Variants in BRD10 observed in about 807,000 individuals in gnomAD.
BRD10 encodes bromodomain containing 10, also known as uncharacterized bromodomain-containing protein 10.
the BRD10 span, chr9:5,898,877 T>C: frequency 6.6e-6 from 1 of 152,202 alleles, no homozygotes; most frequent in East Asian, 1.9e-4. Flanking sequence ...CACTTGTGTG[T>C]TTTTTAACAG....
the BRD10 span, chr9:5,919,808 G>A: frequency 1.9e-5 from 30 of 1,613,758 alleles, no homozygotes; most frequent in Non-Finnish European, 1.9e-5. Context: ...AGAAACCTTA[G>A]ATGCTGGAGT....
At chr9:5,961,217 C>T in the BRD10 span, among the ~76,000 whole-genome samples, 9 of 152,100 alleles carry the variant, frequency 5.9e-5, no homozygotes, top group East Asian at 3.9e-4. Context: ...TAGAAGTAAA[C>T]GCAACTATAA....
the BRD10 span, chr9:5,919,619 T>G: frequency 1.1e-4 from 151 of 1,383,546 alleles, no homozygotes; most frequent in South Asian, 4.4e-5. Flanking sequence ...TAATAAACAT[T>G]GAAAATTTTT....
chr9:5,918,273 C>G, the BRD10 span, among the ~76,000 whole-genome samples: 3 of 152,284 alleles, frequency 2.0e-5, no homozygotes, highest in Middle Eastern at 6.8e-3. Context: ...ATCTTTAGGC[C>G]TATGCTTCCA....
the BRD10 span, among the ~76,000 whole-genome samples, chr9:5,938,831 C>T: frequency 6.6e-6 from 1 of 152,110 alleles, no homozygotes; most frequent in Non-Finnish European, 1.5e-5. Flanking sequence ...ATATCGTACA[C>T]ATGATGTGAC....
chr9:5,900,644 A>G, the BRD10 span, among the ~76,000 whole-genome samples: 5 of 152,182 alleles, frequency 3.3e-5, no homozygotes, highest in Admixed American at 6.5e-5. Flanking sequence ...TCTACTTTTC[A>G]ACTTCCATTT....
the BRD10 span, chr9:5,920,435 G>A: frequency 1.5e-5 from 24 of 1,613,878 alleles, no homozygotes; most frequent in African/African-American, 1.3e-4. Context: ...GGATGGTGCC[G>A]AAGCCGTGTG....
At chr9:5,976,231 TA>T in the BRD10 span, among the ~76,000 whole-genome samples, 1 of 151,316 alleles carries the variant, frequency 6.6e-6, no homozygotes, top group Non-Finnish European at 1.5e-5. Context: ...TTTTCAAAGC[TA>T]AAAAAAAATC....
the BRD10 span, chr9:6,007,750 G>A: frequency 1.3e-6 from 2 of 1,590,524 alleles, no homozygotes; most frequent in Non-Finnish European, 1.7e-6. Context: ...TTCCTCCCCA[G>A]CCGGCTCCAT....
the BRD10 span, among the ~76,000 whole-genome samples, chr9:5,904,002 T>C: frequency 5.3e-5 from 8 of 151,930 alleles, no homozygotes; most frequent in Admixed American, 5.2e-4. Context: ...GTATTACAGG[T>C]GTGCGCCACC....
chr9:6,008,289 G>T, the BRD10 span: 9 of 984,680 alleles, frequency 9.1e-6, no homozygotes, highest in South Asian at 4.7e-5. Flanking sequence ...ACCTGCGGGG[G>T]ACACGGGCAG....
chr9:5,888,680 G>A, the BRD10 span, among the ~76,000 whole-genome samples: 1 of 152,202 alleles, frequency 6.6e-6, no homozygotes, highest in Non-Finnish European at 1.5e-5. Context: ...AGTTGACAAC[G>A]ACCAGTTGAG....
the BRD10 span, chr9:5,921,675 G>C: frequency 2.5e-6 from 4 of 1,613,848 alleles, no homozygotes; most frequent in African/African-American, 1.3e-5. Flanking sequence ...TAATCTACTT[G>C]TTGCTGTTTA....
At chr9:5,908,326 T>C in the BRD10 span, among the ~76,000 whole-genome samples, 5,880 of 152,298 alleles carry the variant, frequency 0.039, 306 homozygotes, top group South Asian at 0.12. Context: ...ATGTATATGG[T>C]GTCTATAAAT....
At chr9:5,970,879 C>T in the BRD10 span, among the ~76,000 whole-genome samples, 1 of 151,604 alleles carries the variant, frequency 6.6e-6, no homozygotes, top group Admixed American at 6.6e-5. Context: ...TGGTAAAACC[C>T]CTTCTCTTTT....
chr9:5,932,822 T>C, the BRD10 span, among the ~76,000 whole-genome samples: 1 of 152,212 alleles, frequency 6.6e-6, no homozygotes, highest in Admixed American at 6.5e-5. Context: ...AAAGAAGACA[T>C]AGATTATCTT....
the BRD10 span, chr9:5,923,166 T>A: frequency 1.2e-6 from 2 of 1,614,036 alleles, no homozygotes; most frequent in Non-Finnish European, 1.7e-6. Context: ...AGCTCTTTTG[T>A]GCTGTCATCC....
chr9:5,974,478 C>T, the BRD10 span, among the ~76,000 whole-genome samples: 1 of 152,070 alleles, frequency 6.6e-6, no homozygotes, highest in South Asian at 2.1e-4. Context: ...ATCCATGACA[C>T]ATTAGAAAGA....
the BRD10 span, among the ~76,000 whole-genome samples, chr9:5,970,466 A>C: frequency 6.5e-3 from 988 of 152,286 alleles, 12 homozygotes; most frequent in African/African-American, 0.023. Context: ...AAACTTAATT[A>C]AAAAAATGAA....
Sources: gnomAD v4.1 joint callset for allele counts (sites outside exome capture counted in the v4.1 genomes callset) on GRCh38, gnomAD v4.1.1 for gene constraint, MANE v1.5 for transcripts, NCBI Gene and HGNC (gene_info 2026-07-23, HGNC 2026-07-21) for gene names.